Variants in MRTFB observed in about 807,000 individuals in gnomAD.
MRTFB encodes the protein myocardin-related transcription factor B.
A neutral mutation model predicts 104.2 loss-of-function variants in MRTFB; 29 were observed. The observed-to-expected ratio is 0.28, with a 90% CI of 0.21 to 0.38. The LOEUF (loss-of-function observed/expected upper bound fraction) is 0.38. Ranked by LOEUF, MRTFB falls within the 10% of genes least tolerant of loss-of-function variation. The pLI, the probability that MRTFB is intolerant of heterozygous loss-of-function variation, is 1.00. For missense variants in MRTFB, 1,270 were observed against 1,341.6 expected, an observed-to-expected ratio of 0.95 and a Z score of 0.83; for synonymous variants, 535 against 519.5, an observed-to-expected ratio of 1.03 and a Z score of -0.41.
chr16:14,153,945 A>G (rs906776241), intron 3 of MRTFB, among the ~76,000 whole-genome samples: 1 of 152,220 alleles, frequency 6.6e-6, no homozygotes, highest in African/African-American at 2.4e-5. Context: ...TCTGTTTTAT[A>G]TTAATAGCCC....
At chr16:14,174,324 G>T (rs1039683345) in intron 3 of MRTFB, among the ~76,000 whole-genome samples, 4 of 152,104 alleles carry the variant, frequency 2.6e-5, no homozygotes, top group African/African-American at 9.7e-5. Flanking sequence ...TGGTTGCTGT[G>T]TGTTGTTTTG....
chr16:14,225,852 C>A (rs1255032641), intron 8 of MRTFB, among the ~76,000 whole-genome samples: 2 of 152,176 alleles, frequency 1.3e-5, no homozygotes, highest in Non-Finnish European at 2.9e-5. Flanking sequence ...CATCTTCAGA[C>A]TTTCTTGTCA....
Position 14,094,841 on chromosome 16 carries a change from T to C in MRTFB, c.-64+15487T>C, listed in dbSNP as rs534819119. 7.2e-5 allele frequency among the ~76,000 whole-genome samples: 11 copies of C among 152,366 alleles called. No homozygotes were observed. In the East Asian group the frequency reaches 1.2e-3, roughly 16 times the overall value. On this transcript the variant is annotated intron_variant, in intron 2 of 16. Coordinates refer to ENST00000571589, the MANE Select transcript of MRTFB (RefSeq NM_001308142.2). ...TAAAAGCCAGTGTTCCATGCTGTCA[T>C]TAATGAATGTGGAGTCTTTTTTGGA...
intron 12 of MRTFB, chr16:14,248,163 T>C (rs1382172140): frequency 6.6e-6 from 1 of 152,548 alleles, no homozygotes; most frequent in African/African-American, 2.4e-5. Context: ...AAATTCCCTT[T>C]TGTGCGTACA....
intron 3 of MRTFB, among the ~76,000 whole-genome samples, chr16:14,148,484 G>A (rs2038437441): frequency 6.6e-6 from 1 of 152,180 alleles, no homozygotes; most frequent in South Asian, 2.1e-4. Context: ...CAATAATAAA[G>A]TACTCTTGTG....
chr16:14,024,940 G>A, the MRTFB span, among the ~76,000 whole-genome samples: 7 of 152,098 alleles, frequency 4.6e-5, no homozygotes, highest in East Asian at 1.9e-4. Flanking sequence ...AGTGGAGCTC[G>A]GATTTGAACT....
At chr16:14,015,106 G>A in the MRTFB span, among the ~76,000 whole-genome samples, 1 of 152,150 alleles carries the variant, frequency 6.6e-6, no homozygotes, top group Non-Finnish European at 1.5e-5. Context: ...CTACATGTCT[G>A]GTAGTAATAT....
chr16:14,010,181 A>G, the MRTFB span, among the ~76,000 whole-genome samples: 1 of 152,128 alleles, frequency 6.6e-6, no homozygotes, highest in Non-Finnish European at 1.5e-5. Context: ...GAGCAAAGAC[A>G]TCTCAGGTTG....
At chr16:14,155,539 A>G (rs1203395384) in intron 3 of MRTFB, among the ~76,000 whole-genome samples, 2 of 152,068 alleles carry the variant, frequency 1.3e-5, no homozygotes, top group Non-Finnish European at 2.9e-5. Context: ...ACTGAGTGGA[A>G]TTTGTTTTTG....
intron 8 of MRTFB, among the ~76,000 whole-genome samples, chr16:14,230,319 A>G (rs901015946): frequency 6.6e-6 from 1 of 152,224 alleles, no homozygotes; most frequent in Non-Finnish European, 1.5e-5. Context: ...GCACAGCAAA[A>G]GAAACTACCA....
the MRTFB span, among the ~76,000 whole-genome samples, chr16:14,022,302 T>C: frequency 0.91 from 137,915 of 152,234 alleles, 62,697 homozygotes; most frequent in Non-Finnish European, 0.94. Flanking sequence ...CCCTGAGTTC[T>C]AATTCCTATC....
At chr16:14,242,307 TCTC>T (rs1305015396) in intron 10 of MRTFB, among the ~76,000 whole-genome samples, 1 of 151,980 alleles carries the variant, frequency 6.6e-6, no homozygotes, top group Non-Finnish European at 1.5e-5. Flanking sequence ...TCAATTCCCC[TCTC>T]CTCCTCAGAC....
At chr16:14,178,854 A>G (rs1479677359) in intron 3 of MRTFB, among the ~76,000 whole-genome samples, 2 of 151,910 alleles carry the variant, frequency 1.3e-5, no homozygotes, top group African/African-American at 2.4e-5. Context: ...GGCTCAAGCT[A>G]TCCTCCCACC....
intron 2 of MRTFB, among the ~76,000 whole-genome samples, chr16:14,111,986 C>T (rs917729478): frequency 6.6e-6 from 1 of 152,158 alleles, no homozygotes; most frequent in East Asian, 1.9e-4. Context: ...TGGGTACCAT[C>T]CCCCCTGATC....
chr16:14,177,025 G>A lies in MRTFB; in HGVS notation c.155-33218G>A, dbSNP rs1350214822. Reference sequence around the variant, plus strand: ...AGATTGTTTAAGTACAGTTTCCGTGGGCAGAGATAGGGAATAGGGAAATCC... The same window carrying A: ...AGATTGTTTAAGTACAGTTTCCGTGAGCAGAGATAGGGAATAGGGAAATCC... On this transcript the variant is annotated intron_variant, in intron 3 of 16. Coordinates refer to ENST00000571589, the MANE Select transcript of MRTFB (RefSeq NM_001308142.2). The surrounding 1 kb of genome is among the most constrained non-coding windows in gnomAD (Gnocchi z 4.7). Among the ~76,000 whole-genome samples, 1 of 152,182 alleles carries A rather than the reference G, an allele frequency of 6.6e-6. No individual in the cohort carries two copies. The highest frequency in any genetic ancestry group is 1.5e-5 in the Non-Finnish European group (1 of 68,036).
At chr16:14,199,552 A>T (rs1449135045) in intron 3 of MRTFB, among the ~76,000 whole-genome samples, 1 of 152,166 alleles carries the variant, frequency 6.6e-6, no homozygotes, top group Non-Finnish European at 1.5e-5. Flanking sequence ...TAAATGGTCT[A>T]CCCAGGTGCT....
At chr16:14,047,072 C>T in the MRTFB span, among the ~76,000 whole-genome samples, 109,704 of 152,118 alleles carry the variant, frequency 0.72, 40,929 homozygotes, top group African/African-American at 0.92. Flanking sequence ...TGAATTCCTG[C>T]CTCATAGTGC....
intron 15 of MRTFB, among the ~76,000 whole-genome samples, chr16:14,253,390 ACAG>A (rs1567223293): frequency 1.3e-5 from 2 of 152,274 alleles, no homozygotes; most frequent in Non-Finnish European, 2.9e-5. Context: ...TCCACGGCAA[ACAG>A]CAGGAACATC....
intron 14 of MRTFB, 136 bp downstream of exon 14, chr16:14,252,159 G>A (rs2043282483): frequency 8.1e-7 from 1 of 1,235,420 alleles, no homozygotes; most frequent in East Asian, 2.4e-5. Context: ...ACTTGTGAAG[G>A]AGGAGCTCAG....
Sources: gnomAD v4.1 joint callset for allele counts (sites outside exome capture counted in the v4.1 genomes callset) on GRCh38, gnomAD v4.1.1 for gene constraint, Gnocchi (gnomAD v3.1) non-coding constraint, MANE v1.5 for transcripts, NCBI Gene and HGNC (gene_info 2026-07-23, HGNC 2026-07-21) for gene names.